The following VWF variants were observed in gnomAD, a reference collection of about 807,000 sequenced individuals.
The protein encoded by VWF is Factor VIII related antigen.
A neutral mutation model predicts 308.6 loss-of-function variants in VWF; 176 were observed. The ratio of observed to expected loss-of-function variants is 0.57; its 90% CI spans 0.50 to 0.65. The LOEUF (loss-of-function observed/expected upper bound fraction) is 0.65. Ranked by LOEUF, VWF falls within the 30% of genes least tolerant of loss-of-function variation. The pLI is 0.00. For missense variants in VWF, 3,146 were observed against 3,648.2 expected, an observed-to-expected ratio of 0.86 and a Z score of 3.55; for synonymous variants, 1,385 against 1,443.4, an observed-to-expected ratio of 0.96 and a Z score of 0.92.
intron 43 of VWF, among the ~76,000 whole-genome samples, chr12:5,975,547 G>A (rs216853): frequency 0.62 from 93,663 of 151,938 alleles, 29,359 homozygotes; most frequent in Admixed American, 0.69. Flanking sequence ...CGTACCTCAA[G>A]TTATAAACAT....
chr12:6,063,758 C>T lies in VWF; in HGVS notation c.1432+488G>A, dbSNP rs1242822544. Among the ~76,000 whole-genome samples the T allele has an allele frequency of 1.3e-5, 2 of 152,146 alleles. No individual in the cohort carries two copies. The highest frequency in any genetic ancestry group is 4.8e-5 in the African/African-American group (2 of 41,424). ...TTGCTTTGACCGGCACAGTGCAACC[C>T]AGGTGAAGATACTGGACAGGTAGGT... On this transcript the variant is annotated intron_variant, in intron 12 of 51. Coordinates refer to ENST00000261405, the MANE Select transcript of VWF (RefSeq NM_000552.5). The surrounding 1 kb of genome is among the most constrained non-coding windows in gnomAD (Gnocchi z 4.9).
At chr12:6,083,264 T>A (rs1450979574) in intron 6 of VWF, among the ~76,000 whole-genome samples, 1 of 152,114 alleles carries the variant, frequency 6.6e-6, no homozygotes, top group Non-Finnish European at 1.5e-5. Flanking sequence ...TCCACCCACC[T>A]CGGCCTCCCA....
intron 43 of VWF, among the ~76,000 whole-genome samples, chr12:5,975,613 A>T (rs922071967): frequency 7.2e-5 from 11 of 152,240 alleles, no homozygotes; most frequent in African/African-American, 2.7e-4. Context: ...AACAAGGACG[A>T]TCCTAGAAAA....
chr12:5,991,901 G>A lies in VWF; in HGVS notation c.6716C>T (p.Pro2239Leu). 1.2e-6 allele frequency: 2 copies of A among 1,614,226 alleles called. No homozygotes were observed. The highest frequency in any genetic ancestry group is 1.7e-6 in the Non-Finnish European group (2 of 1,180,044). ...GCTGCCTTCCAACATGACTTTATCT[G>A]GAGGGCAGAAACAGCCTTCGGAGGG... is the stretch of plus-strand genomic sequence containing the variant. ...DHPSEGCFCP[P>L]DKVMLEGSCV... Residue 2239 changes from proline (P) to leucine (L), a missense_variant, in exon 38 of 52, where the codon CCA becomes CTA. This residue lies in a region of VWF where 989 missense variants were observed against 1,117.4 expected (regional missense o/e 0.89). Transcript: ENST00000261405.
rs747902510 is a variant in VWF at position 6,013,515 on chromosome 12, G to A, written c.5586C>T (p.Thr1862=). 57 of 1,614,054 alleles carry A rather than the reference G, an allele frequency of 3.5e-5. No individual in the cohort carries two copies. The South Asian group carries it at 6.1e-4, about 17-fold the overall frequency. ...GTTTGTGGAGGAAGGAATTGCCCAA[G>A]GTGACCATGGTAGGGAGGTCTTCGA... ...QRIEDLPTMV[T]LGNSFLHKLC... is the part of the protein sequence containing the mutation. Residue 1862 remains threonine, a synonymous_variant, in exon 32 of 52, where the codon ACC becomes ACT. Transcript: ENST00000261405.
intron 6 of VWF, among the ~76,000 whole-genome samples, chr12:6,092,631 GT>G (rs1208179627): frequency 7.5e-6 from 1 of 132,814 alleles, no homozygotes; most frequent in African/African-American, 3.0e-5. Context: ...GTGTGTGTGT[GT>G]GTGTGTGTGT....
At position 5,952,528 on chromosome 12, in the gene VWF, A is replaced by C. The variant is rs1943203405; in HGVS notation, c.7987-9T>G. Reference sequence around the variant, plus strand: ...TGGAGCGTCTCATCACGCTGGAAGGAAAGAGGAGTGGGTAAAGTCAGAGAC... The same window carrying C: ...TGGAGCGTCTCATCACGCTGGAAGGCAAGAGGAGTGGGTAAAGTCAGAGAC... On this transcript the variant is annotated splice_polypyrimidine_tract_variant and intron_variant, in intron 48 of 51. Coordinates refer to ENST00000261405, the MANE Select transcript of VWF (RefSeq NM_000552.5). 6.2e-7 allele frequency: 1 copy of C among 1,613,116 alleles called. No homozygotes were observed. The highest frequency in any genetic ancestry group is 1.3e-5 in the African/African-American group (1 of 74,918).
intron 47 of VWF, among the ~76,000 whole-genome samples, chr12:5,957,151 T>TCA (rs1247714359): frequency 2.6e-5 from 4 of 152,240 alleles, no homozygotes; most frequent in Non-Finnish European, 5.9e-5. Context: ...TACAGGTTTG[T>TCA]CACCTGGGAG....
At chr12:6,120,825 G>A (rs555397160) in intron 3 of VWF, among the ~76,000 whole-genome samples, 44 of 152,200 alleles carry the variant, frequency 2.9e-4, no homozygotes, top group Non-Finnish European at 4.9e-4. Context: ...AAACAACAAC[G>A]AGTCTTCTCT....
chr12:5,980,771 C>T (rs1943596187), intron 42 of VWF, among the ~76,000 whole-genome samples: 1 of 151,372 alleles, frequency 6.6e-6, no homozygotes, highest in South Asian at 2.1e-4. Flanking sequence ...TGTTCCAGCC[C>T]TAACAGGCTC....
In VWF at chr12:6,075,668, T is replaced by C; in HGVS notation, c.658-117A>G. On this transcript the variant is annotated intron_variant, in intron 6 of 51. Transcript: ENST00000261405. The surrounding 1 kb of genome is among the most constrained non-coding windows in gnomAD (Gnocchi z 4.7). Reference sequence around the variant, plus strand: ...AGCTCCCTCAGCACCTGGGACAGGCTGGCACCAAGCACATGCATGTGTTCA... The same window carrying C: ...AGCTCCCTCAGCACCTGGGACAGGCCGGCACCAAGCACATGCATGTGTTCA... 2.7e-6 allele frequency: 3 copies of C among 1,119,740 alleles called. No homozygotes were observed. The highest frequency in any genetic ancestry group is 4.0e-6 in the Non-Finnish European group (3 of 758,394). 69.4% of individuals were successfully genotyped at this position (1,119,740 alleles called of 1,614,324 possible). A position where few individuals can be genotyped will look rare whatever the true frequency, so the allele number is the denominator to read the frequency against.
intron 6 of VWF, among the ~76,000 whole-genome samples, chr12:6,092,513 GTT>G (rs71450117): frequency 6.2e-5 from 5 of 80,378 alleles, no homozygotes; most frequent in East Asian, 4.4e-4. Flanking sequence ...GCTAGTATGT[GTT>G]TGTCTGTGTG....
At chr12:5,990,490 T>A (rs1022093031) in intron 38 of VWF, among the ~76,000 whole-genome samples, 6 of 152,206 alleles carry the variant, frequency 3.9e-5, no homozygotes, top group Non-Finnish European at 8.8e-5. Flanking sequence ...TAGCTACATT[T>A]ACCATGAGTT....
chr12:6,032,013 G>A (rs1944268939), intron 20 of VWF, among the ~76,000 whole-genome samples: 1 of 152,166 alleles, frequency 6.6e-6, no homozygotes, highest in South Asian at 2.1e-4. Flanking sequence ...CCTCTGCACT[G>A]CTGGCCCAGA....
chr12:6,012,626 G>T (rs1223980392), intron 32 of VWF, among the ~76,000 whole-genome samples: 2 of 151,190 alleles, frequency 1.3e-5, no homozygotes, highest in Admixed American at 1.3e-4. Flanking sequence ...TGCAGGTTTT[G>T]ACTTACATCT....
Position 5,976,215 on chromosome 12 carries a change from C to T in VWF, c.7333G>A (p.Glu2445Lys), listed in dbSNP as rs1943531596. ...STIYPVGQFW[E>K]EGCDVCTCTD... ...CAGGTGCACACATCGCAGCCCTCCTCCCAGAACTGGCCCACAGGGTAGATG... is the reference window on the plus strand; with the variant it reads ...CAGGTGCACACATCGCAGCCCTCCTTCCAGAACTGGCCCACAGGGTAGATG... Residue 2445 changes from glutamate to lysine, a missense_variant, in exon 43 of 52, where the codon GAG becomes AAG. Around this residue, in one of 3 missense-constraint regions of VWF, gnomAD observed 989 missense variants for 1,117.4 expected, o/e 0.89. Coordinates refer to ENST00000261405, the MANE Select transcript of VWF (RefSeq NM_000552.5). 9.3e-6 allele frequency: 15 copies of T among 1,614,152 alleles called. No individual in the cohort carries two copies. The highest frequency in any genetic ancestry group is 1.3e-5 in the Non-Finnish European group (15 of 1,180,030).
At chr12:6,061,390 C>A (rs149283369) in intron 13 of VWF, among the ~76,000 whole-genome samples, 4 of 144,430 alleles carry the variant, frequency 2.8e-5, no homozygotes, top group African/African-American at 1.1e-4. Flanking sequence ...TTATTTCCTA[C>A]TGGAAAAGGG....
intron 50 of VWF, among the ~76,000 whole-genome samples, chr12:5,950,252 C>T (rs1943169920): frequency 6.6e-6 from 1 of 152,088 alleles, no homozygotes; most frequent in African/African-American, 2.4e-5. Flanking sequence ...AGCTAATGGG[C>T]AATGAAGTAG....
chr12:6,025,022 CAAA>C (rs34547698), intron 24 of VWF, among the ~76,000 whole-genome samples: 19 of 119,646 alleles, frequency 1.6e-4, no homozygotes, highest in Admixed American at 2.4e-4. Flanking sequence ...GACTCTGTCT[CAAA>C]AAAAAAAAAA....
Sources: gnomAD v4.1 joint callset for allele counts (sites outside exome capture counted in the v4.1 genomes callset) on GRCh38, gnomAD v4.1.1 for gene constraint, gnomAD v4.1.1 regional missense constraint, Gnocchi (gnomAD v3.1) non-coding constraint, MANE v1.5 for transcripts, NCBI Gene and HGNC (gene_info 2026-07-23, HGNC 2026-07-21) for gene names.